Variants in NRXN1 observed in about 807,000 individuals in gnomAD.
The protein encoded by NRXN1 is neurexin-1.
Under a neutral mutation model 150.9 loss-of-function variants are expected in NRXN1, and 39 were observed. That is an observed-to-expected ratio of 0.26 (90% CI 0.20 to 0.34). The LOEUF is 0.34. Ranked by LOEUF, NRXN1 falls within the 10% of genes least tolerant of loss-of-function variation. The pLI is 1.00. For missense variants in NRXN1, 1,815 were observed against 1,949.9 expected, an observed-to-expected ratio of 0.93 and a Z score of 1.30; for synonymous variants, 924 against 757.0, an observed-to-expected ratio of 1.22 and a Z score of -3.62.
chr2:50,804,935 G>C (rs781144006), intron 5 of NRXN1, among the ~76,000 whole-genome samples: 2 of 152,158 alleles, frequency 1.3e-5, no homozygotes, highest in African/African-American at 2.4e-5. Flanking sequence ...GTGCATGTAA[G>C]AAGAAGCAGT....
At chr2:50,326,700 A>C (rs1341174953) in intron 17 of NRXN1, among the ~76,000 whole-genome samples, 1 of 152,180 alleles carries the variant, frequency 6.6e-6, no homozygotes, top group Non-Finnish European at 1.5e-5. Context: ...GTATATAATT[A>C]TATTCTATGT....
At chr2:50,016,797 T>G (rs112323286) in intron 21 of NRXN1, among the ~76,000 whole-genome samples, 1 of 152,056 alleles carries the variant, frequency 6.6e-6, no homozygotes, top group Non-Finnish European at 1.5e-5. Flanking sequence ...TCAGGCTATA[T>G]GGAAAAAAAT....
intron 5 of NRXN1, among the ~76,000 whole-genome samples, chr2:50,651,454 A>AATAAC (rs1311544837): frequency 5.9e-5 from 9 of 151,324 alleles, no homozygotes; most frequent in African/African-American, 2.0e-4. Flanking sequence ...CTCTACCAAA[A>AATAAC]ATAACATAAC....
chr2:50,733,796 A>G (rs904830469), intron 5 of NRXN1, among the ~76,000 whole-genome samples: 5 of 152,196 alleles, frequency 3.3e-5, no homozygotes, highest in African/African-American at 4.8e-5. Flanking sequence ...AATGGTTTAT[A>G]AAGATATTTC....
chr2:50,421,136 G>C (rs951741206), intron 17 of NRXN1, among the ~76,000 whole-genome samples: 4 of 151,606 alleles, frequency 2.6e-5, no homozygotes, highest in African/African-American at 9.7e-5. Flanking sequence ...TTTTTTTTCC[G>C]GGTATTTTTC....
At chr2:50,429,713 T>A (rs1057035877) in intron 17 of NRXN1, among the ~76,000 whole-genome samples, 8 of 152,144 alleles carry the variant, frequency 5.3e-5, no homozygotes, top group Admixed American at 2.6e-4. Flanking sequence ...TTGTATGTAT[T>A]ACCTAATATT....
chr2:50,641,231 A>G (rs1212096475), intron 5 of NRXN1, among the ~76,000 whole-genome samples: 2 of 152,188 alleles, frequency 1.3e-5, no homozygotes, highest in Non-Finnish European at 2.9e-5. Flanking sequence ...GCCTCCTCAT[A>G]AAAGGCTTTA....
chr2:50,997,579 A>T (rs1381499554), intron 2 of NRXN1, among the ~76,000 whole-genome samples: 1 of 140,934 alleles, frequency 7.1e-6, no homozygotes. Flanking sequence ...ATGATCATAC[A>T]GCATGGTAAT....
intron 5 of NRXN1, among the ~76,000 whole-genome samples, chr2:50,698,358 T>C (rs554526141): frequency 3.3e-5 from 5 of 152,316 alleles, no homozygotes; most frequent in South Asian, 2.1e-4. Flanking sequence ...TCACAAAAGA[T>C]TGCCTGCAGA....
intron 2 of NRXN1, among the ~76,000 whole-genome samples, chr2:50,986,496 A>AT (rs767685399): frequency 2.0e-5 from 3 of 151,066 alleles, no homozygotes; most frequent in East Asian, 1.9e-4. Flanking sequence ...TACTGCGCAG[A>AT]TTTTTTTTTG....
At chr2:50,831,660 A>C (rs1374702421) in intron 5 of NRXN1, among the ~76,000 whole-genome samples, 1 of 152,156 alleles carries the variant, frequency 6.6e-6, no homozygotes, top group Non-Finnish European at 1.5e-5. Flanking sequence ...AAAACCCTTA[A>C]ATTTCTAAAA....
intron 5 of NRXN1, among the ~76,000 whole-genome samples, chr2:50,785,243 CTTTTTTTT>C (rs35158893): frequency 9.4e-6 from 1 of 106,066 alleles, no homozygotes; most frequent in Non-Finnish European, 1.9e-5. Flanking sequence ...AGAAAATACA[CTTTTTTTT>C]TTTTTTTTTT....
intron 17 of NRXN1, among the ~76,000 whole-genome samples, chr2:50,254,037 C>A (rs1381939682): frequency 6.6e-6 from 1 of 151,962 alleles, no homozygotes; most frequent in Non-Finnish European, 1.5e-5. Context: ...GTAATTCCAT[C>A]TGGTCCTGGG....
At chr2:50,429,791 ATCAATAGAACT>A (rs970091945) in intron 17 of NRXN1, among the ~76,000 whole-genome samples, 11 of 152,148 alleles carry the variant, frequency 7.2e-5, no homozygotes, top group Non-Finnish European at 1.2e-4. Context: ...GTTGTGCCCC[ATCAATAGAACT>A]TCTATTGTGG....
At chr2:50,735,271 A>G (rs1233737355) in intron 5 of NRXN1, among the ~76,000 whole-genome samples, 3 of 152,044 alleles carry the variant, frequency 2.0e-5, no homozygotes, top group Non-Finnish European at 4.4e-5. Context: ...TTATATTTTA[A>G]TTTATACTTT....
At chr2:50,530,762 G>C (rs1351004518) in intron 11 of NRXN1, among the ~76,000 whole-genome samples, 1 of 152,168 alleles carries the variant, frequency 6.6e-6, no homozygotes, top group Non-Finnish European at 1.5e-5. Flanking sequence ...TTATTCAAAG[G>C]AGAAGCCCAT....
At chr2:50,916,737 A>T (rs1211310299) in intron 5 of NRXN1, 1 of 151,616 alleles carries the variant, frequency 6.6e-6, no homozygotes, top group Non-Finnish European at 1.5e-5. Context: ...TCTTGTTTAG[A>T]TGATCAGTTT....
At chr2:50,929,809 C>T (rs1687473907) in intron 2 of NRXN1, among the ~76,000 whole-genome samples, 1 of 152,026 alleles carries the variant, frequency 6.6e-6, no homozygotes, top group Non-Finnish European at 1.5e-5. Flanking sequence ...CCCATGGTGG[C>T]ACAGGATGGA....
At chr2:50,010,668 C>G (rs1328183877) in intron 21 of NRXN1, among the ~76,000 whole-genome samples, 1 of 152,064 alleles carries the variant, frequency 6.6e-6, no homozygotes, top group African/African-American at 2.4e-5. Flanking sequence ...TCTGGTCCTG[C>G]TGCAACTTGT....
Sources: allele counts gnomAD v4.1 joint callset (sites outside exome capture counted in the v4.1 genomes callset), GRCh38; gene constraint gnomAD v4.1.1; transcripts MANE v1.5; gene names NCBI Gene and HGNC (gene_info 2026-07-23, HGNC 2026-07-21).